PPFIBP1: variants seen among roughly 807,000 people sequenced by gnomAD.
PPFIBP1 encodes the protein PPFIB scaffold protein 1, also known as liprin-beta-1.
In PPFIBP1, 112 loss-of-function variants were observed where a neutral mutation model predicts 137.8. That is an observed-to-expected ratio of 0.81 (90% CI 0.70 to 0.95). PPFIBP1 has a LOEUF of 0.95. Among genes scored for constraint, PPFIBP1 ranks in the 40% least tolerant of loss-of-function variants. The pLI is 0.00. For missense variants in PPFIBP1, 1,083 were observed against 1,196.6 expected (o/e 0.91, Z 1.40); for synonymous variants, 378 against 417.3 (o/e 0.91, Z 1.15).
chr12:27,679,804 A>C (rs2060774020), intron 20 of PPFIBP1, 129 bp from the exon 21 acceptor site: 1 of 1,387,846 alleles, frequency 7.2e-7, no homozygotes, highest in Non-Finnish European at 9.8e-7. Flanking sequence ...TTAAAGTTTA[A>C]ATTTAAATGT....
intron 28 of PPFIBP1, among the ~76,000 whole-genome samples, 157 bp downstream of exon 28, chr12:27,692,085 G>A (rs2061581450): frequency 6.6e-6 from 1 of 152,040 alleles, no homozygotes; most frequent in Non-Finnish European, 1.5e-5. Context: ...TATCTTCCAG[G>A]TACCATCCTA....
chr12:27,528,370 G>C (rs1376040405), intron 1 of PPFIBP1, among the ~76,000 whole-genome samples: 1 of 152,016 alleles, frequency 6.6e-6, no homozygotes, highest in Non-Finnish European at 1.5e-5. Flanking sequence ...AACTGCTCTG[G>C]GCTCTTGTAA....
intron 2 of PPFIBP1, chr12:27,584,247 C>T (rs2051442693): frequency 1.3e-5 from 2 of 152,294 alleles, no homozygotes; most frequent in African/African-American, 4.8e-5. Context: ...GGCCTCATTA[C>T]CTCAGGAACA....
chr12:27,653,566 G>A (rs2059010973), intron 7 of PPFIBP1, among the ~76,000 whole-genome samples: 2 of 138,618 alleles, frequency 1.4e-5, no homozygotes, highest in South Asian at 4.9e-4. Context: ...CAGCCTGGGT[G>A]ACAGAGTGAG....
intron 2 of PPFIBP1, among the ~76,000 whole-genome samples, chr12:27,611,519 T>C (rs1233785068): frequency 6.6e-6 from 1 of 152,180 alleles, no homozygotes; most frequent in Non-Finnish European, 1.5e-5. Context: ...CATGCTGAGG[T>C]CCTGGGGCTT....
At chr12:27,641,980 A>AATAAATAGATAG (rs1555225027) in intron 4 of PPFIBP1, among the ~76,000 whole-genome samples, 73 of 144,998 alleles carry the variant, frequency 5.0e-4, no homozygotes, top group Middle Eastern at 7.1e-3. Flanking sequence ...TAAATAAATA[A>AATAAATAGATAG]ATAGAAGGCT....
intron 2 of PPFIBP1, chr12:27,584,352 G>C (rs1009066408): frequency 2.0e-5 from 3 of 152,274 alleles, no homozygotes; most frequent in African/African-American, 7.2e-5. Flanking sequence ...GCACAGAATA[G>C]ACCATGAAAA....
chr12:27,547,785 C>T (rs2136133857), intron 1 of PPFIBP1: 1 of 152,414 alleles, frequency 6.6e-6, no homozygotes, highest in Non-Finnish European at 1.5e-5. Flanking sequence ...CTGGCCACCC[C>T]TTCTGGGGGT....
At chr12:27,654,699 C>G in intron 7 of PPFIBP1, 23 bp from the exon 8 acceptor site, 2 of 1,603,564 alleles carry the variant, frequency 1.2e-6, no homozygotes, top group Non-Finnish European at 1.7e-6. Context: ...TCCTAATGTA[C>G]TTTCTTGTTT....
At chr12:27,658,665 T>G in intron 9 of PPFIBP1, 151 bp from the exon 10 acceptor site, 1 of 741,640 alleles carries the variant, frequency 1.3e-6, no homozygotes, top group Non-Finnish European at 2.3e-6. Flanking sequence ...GTACTACCAA[T>G]CCTGCAGTCA....
intron 2 of PPFIBP1, among the ~76,000 whole-genome samples, chr12:27,622,440 A>T (rs1362791512): frequency 6.6e-6 from 1 of 152,222 alleles, no homozygotes; most frequent in African/African-American, 2.4e-5. Context: ...TTTTTAAAAC[A>T]TTTATTCTCA....
rs556855403 is a variant in PPFIBP1 at position 27,654,216 on chromosome 12, T to A, written c.604-506T>A. The stretch of plus-strand genomic sequence containing the variant: ...AAAGGATTTAATTTTCATTTCATTC[T>A]CCCATATTGGGTTGACGAGCAATCC... On this transcript the variant is annotated intron_variant, in intron 7 of 29. Coordinates refer to ENST00000228425, the MANE Select transcript of PPFIBP1 (RefSeq NM_003622.4). Among the ~76,000 whole-genome samples the A allele has an allele frequency of 7.5e-4, 115 of 152,326 alleles. 1 individual carries two copies. The South Asian group carries it at 0.024, about 31-fold the overall frequency.
chr12:27,621,847 G>GTT (rs1285664662), intron 2 of PPFIBP1, among the ~76,000 whole-genome samples: 1 of 152,176 alleles, frequency 6.6e-6, no homozygotes. Context: ...AATGCAGTGA[G>GTT]TTTTTGACCA....
chr12:27,580,187 T>G (rs904045707), intron 2 of PPFIBP1, among the ~76,000 whole-genome samples: 2 of 152,164 alleles, frequency 1.3e-5, no homozygotes, highest in African/African-American at 4.8e-5. Context: ...CAGAAGGAGC[T>G]CTCAAAGAAT....
chr12:27,568,020 C>T (rs757076406), intron 1 of PPFIBP1, among the ~76,000 whole-genome samples: 35 of 152,298 alleles, frequency 2.3e-4, no homozygotes, highest in Non-Finnish European at 4.1e-4. Context: ...GCTCTCACCA[C>T]GGTGCCCAGC....
At chr12:27,618,197 G>C (rs1415067502) in intron 2 of PPFIBP1, among the ~76,000 whole-genome samples, 1 of 152,170 alleles carries the variant, frequency 6.6e-6, no homozygotes, top group Non-Finnish European at 1.5e-5. Flanking sequence ...ACAAATAGTT[G>C]TTATTTATTT....
At chr12:27,578,719 A>G (rs2050789494) in intron 2 of PPFIBP1, among the ~76,000 whole-genome samples, 1 of 152,192 alleles carries the variant, frequency 6.6e-6, no homozygotes, top group African/African-American at 2.4e-5. Context: ...AATAATAACT[A>G]CTATTTATTG....
intron 7 of PPFIBP1, among the ~76,000 whole-genome samples, chr12:27,653,549 T>A (rs1196702927): frequency 7.2e-6 from 1 of 139,366 alleles, no homozygotes; most frequent in African/African-American, 2.8e-5. Context: ...ATGGCGGCAC[T>A]GCACTCCAGC....
chr12:27,652,725 A>G (rs986019754), intron 7 of PPFIBP1, among the ~76,000 whole-genome samples: 1 of 152,226 alleles, frequency 6.6e-6, no homozygotes, highest in African/African-American at 2.4e-5. Flanking sequence ...AGGAAGCTGT[A>G]AAATACAATA....
Sources: gnomAD v4.1 joint callset for allele counts (sites outside exome capture counted in the v4.1 genomes callset) on GRCh38, gnomAD v4.1.1 for gene constraint, MANE v1.5 for transcripts, NCBI Gene and HGNC (gene_info 2026-07-23, HGNC 2026-07-21) for gene names.